CUX2: variants seen among roughly 807,000 people sequenced by gnomAD.
CUX2 encodes the protein homeobox protein cut-like 2.
In CUX2, 40 loss-of-function variants were observed where a neutral mutation model predicts 144.8. The ratio of observed to expected loss-of-function variants is 0.28; its 90% CI spans 0.21 to 0.36. The LOEUF is 0.36. Ranked by LOEUF, CUX2 falls within the 10% of genes least tolerant of loss-of-function variation. The pLI, the probability that CUX2 is intolerant of heterozygous loss-of-function variation, is 1.00. For missense variants in CUX2, 1,615 were observed against 1,994.0 expected (o/e 0.81, Z 3.62); for synonymous variants, 827 against 875.6 (o/e 0.94, Z 0.98).
chr12:111,256,831 G>A (rs944537376), intron 3 of CUX2, among the ~76,000 whole-genome samples: 10 of 152,112 alleles, frequency 6.6e-5, no homozygotes, highest in African/African-American at 7.2e-5. Flanking sequence ...GGGGGAAGGC[G>A]GGGATTTCAA....
At chr12:111,206,183 T>A (rs2136215713) in intron 1 of CUX2, among the ~76,000 whole-genome samples, 1 of 152,216 alleles carries the variant, frequency 6.6e-6, no homozygotes, top group South Asian at 2.1e-4. Context: ...AAAAAATAAA[T>A]TAGCTGGGTG....
intron 1 of CUX2, among the ~76,000 whole-genome samples, chr12:111,066,045 T>G (rs1449367220): frequency 6.6e-6 from 1 of 152,254 alleles, no homozygotes; most frequent in Non-Finnish European, 1.5e-5. Context: ...GATCAAGGCA[T>G]GTCTTCTTCC....
At chr12:111,180,011 C>T (rs965661604) in intron 1 of CUX2, among the ~76,000 whole-genome samples, 16 of 152,240 alleles carry the variant, frequency 1.1e-4, no homozygotes, top group African/African-American at 2.9e-4. Context: ...ACCCTGACCC[C>T]GGATCATGCC....
At chr12:111,323,177 C>T (rs1262577982) in intron 18 of CUX2, among the ~76,000 whole-genome samples, 3 of 152,308 alleles carry the variant, frequency 2.0e-5, no homozygotes, top group Middle Eastern at 3.4e-3. Context: ...CTACCCGGGC[C>T]CTGCACTGGA....
chr12:111,049,784 G>C (rs561611443), intron 1 of CUX2, among the ~76,000 whole-genome samples: 24 of 152,324 alleles, frequency 1.6e-4, no homozygotes, highest in Middle Eastern at 3.4e-3. Context: ...GTAGCAGATT[G>C]GAGCCCAGCA....
At chr12:111,152,840 C>A (rs568703464) in intron 1 of CUX2, among the ~76,000 whole-genome samples, 1 of 152,302 alleles carries the variant, frequency 6.6e-6, no homozygotes, top group East Asian at 1.9e-4. Context: ...TGGGGACAAG[C>A]CGCTCTAGAT....
At chr12:111,206,932 T>C (rs1021299276) in intron 1 of CUX2, among the ~76,000 whole-genome samples, 3 of 152,178 alleles carry the variant, frequency 2.0e-5, no homozygotes, top group African/African-American at 4.8e-5. Flanking sequence ...GTTTGGTAGA[T>C]AGATGTATGA....
chr12:111,224,753 G>A (rs1250435902), intron 3 of CUX2, among the ~76,000 whole-genome samples: 3 of 152,044 alleles, frequency 2.0e-5, no homozygotes, highest in East Asian at 1.9e-4. Context: ...CTTGCTGGCC[G>A]GTGAGGCCAC....
Position 111,347,716 on chromosome 12 carries a change from C to G in CUX2, c.3852C>G (p.Asn1284Lys), listed in dbSNP as rs368882902. 1 of 1,611,912 alleles carries G rather than the reference C, an allele frequency of 6.2e-7. No homozygotes were observed. ...AGCTTCAGGAGGGCCCTGAGGAGAA[C>G]AGCACACCCCTGACCACCCAGGACA... ...ELELQEGPEE[N>K]STPLTTQDKA... Residue 1284 changes from asparagine (N) to lysine (K), a missense_variant, in exon 22 of 22, where the codon AAC (asparagine) becomes AAG (lysine). By Grantham distance (94) the Asn-to-Lys change is moderately conservative (BLOSUM62 0). Transcript: ENST00000261726.
At chr12:111,273,226 A>C (rs1884711474) in intron 4 of CUX2, among the ~76,000 whole-genome samples, 1 of 152,210 alleles carries the variant, frequency 6.6e-6, no homozygotes, top group African/African-American at 2.4e-5. Flanking sequence ...AAGTGCCACC[A>C]TGTGGAGGTC....
rs1203674914 is a variant in CUX2 at position 111,077,619 on chromosome 12, A to G, written c.63+43379A>G. Among the ~76,000 whole-genome samples, 2 of 152,186 alleles carry G rather than the reference A, an allele frequency of 1.3e-5. No individual in the cohort carries two copies. The highest frequency in any genetic ancestry group is 2.9e-5 in the Non-Finnish European group (2 of 68,032). On this transcript the variant is annotated intron_variant, in intron 1 of 21. Coordinates refer to ENST00000261726, the MANE Select transcript of CUX2 (RefSeq NM_015267.4). This position sits in a 1 kb window ranked among gnomAD's most constrained non-coding sequence, Gnocchi z 4.1. ...TTCTGTTGATTAGATTTTGAAATGG[A>G]TCAATTTTTAATCAGCCAAACACCT...
intron 1 of CUX2, among the ~76,000 whole-genome samples, chr12:111,159,939 C>T (rs1004787642): frequency 6.6e-6 from 1 of 152,158 alleles, no homozygotes; most frequent in Admixed American, 6.5e-5. Flanking sequence ...GCAGGAGAAT[C>T]GCTTGAACCC....
intron 3 of CUX2, among the ~76,000 whole-genome samples, chr12:111,218,908 T>G (rs1396980624): frequency 7.7e-6 from 1 of 129,606 alleles, no homozygotes; most frequent in East Asian, 2.4e-4. Flanking sequence ...TAACCAAGAG[T>G]CTGATAATGT....
chr12:111,135,767 G>A (rs1592928892), intron 1 of CUX2, among the ~76,000 whole-genome samples: 1 of 152,216 alleles, frequency 6.6e-6, no homozygotes, highest in Non-Finnish European at 1.5e-5. Context: ...TATGCAAAAT[G>A]TCCAGAACAG....
intron 1 of CUX2, among the ~76,000 whole-genome samples, chr12:111,052,947 C>T (rs781386860): frequency 2.0e-5 from 3 of 152,212 alleles, no homozygotes; most frequent in Non-Finnish European, 1.5e-5. Flanking sequence ...GGATTGCCTG[C>T]TGTACCTGCT....
chr12:111,087,228 C>T (rs1199568765), intron 1 of CUX2, among the ~76,000 whole-genome samples: 2 of 151,554 alleles, frequency 1.3e-5, no homozygotes, highest in African/African-American at 2.4e-5. Flanking sequence ...ATTAGCTGGG[C>T]GTGGTGGCGG....
chr12:111,320,652 G>A lies in CUX2; in HGVS notation c.2643G>A (p.Pro881=), dbSNP rs200061368. ...CGCGCACCCTGAAGCCCACCGTGCC[G>A]CCGCTGACCCCCGAGCAGTACGAGC... ...YVPRTLKPTV[P]PLTPEQYELY... is the part of the protein sequence containing the mutation. Residue 881 remains proline (P), a synonymous_variant, in exon 17 of 22, where the codon CCG becomes CCA. Transcript: ENST00000261726. The surrounding 1 kb of genome is among the most constrained non-coding windows in gnomAD (Gnocchi z 8.1). The A allele has an allele frequency of 6.1e-3, 9,721 of 1,596,588 alleles. 65 individuals are homozygous for A. The highest frequency in any genetic ancestry group is 0.014 in the South Asian group (1,270 of 90,792).
At chr12:111,218,001 C>G in intron 3 of CUX2, 64 bp downstream of exon 3, 4 of 1,580,262 alleles carry the variant, frequency 2.5e-6, no homozygotes, top group Non-Finnish European at 3.5e-6. Context: ...CCTATCCCAC[C>G]TAGAGTTGCC....
At chr12:111,102,599 G>A (rs1469541027) in intron 1 of CUX2, among the ~76,000 whole-genome samples, 1 of 152,350 alleles carries the variant, frequency 6.6e-6, no homozygotes, top group East Asian at 1.9e-4. Flanking sequence ...GAAACAGCTT[G>A]CATGCATGAT....
Sources: allele counts gnomAD v4.1 joint callset (sites outside exome capture counted in the v4.1 genomes callset), GRCh38; gene constraint gnomAD v4.1.1; non-coding constraint Gnocchi (gnomAD v3.1); transcripts MANE v1.5; gene names NCBI Gene and HGNC (gene_info 2026-07-23, HGNC 2026-07-21).